Variants in NIPSNAP2 observed in about 807,000 individuals in gnomAD.
NIPSNAP2 encodes nipsnap homolog 2.
NIPSNAP2 carries 42 observed loss-of-function variants against 48.4 expected under a neutral mutation model. That is an observed-to-expected ratio of 0.87 (90% CI 0.68 to 1.12). The LOEUF is 1.12. Among genes scored for constraint, NIPSNAP2 ranks in the 50% most tolerant of loss-of-function variants. The pLI, the probability that NIPSNAP2 is intolerant of heterozygous loss-of-function variation, is 0.00. For missense variants in NIPSNAP2, 314 were observed against 347.3 expected (o/e 0.90, Z 0.76); for synonymous variants, 158 against 126.6 (o/e 1.25, Z -1.67).
At chr7:55,982,145 G>T (rs2116352044) in intron 4 of NIPSNAP2, 65 bp from the exon 5 acceptor site, 1 of 1,037,904 alleles carries the variant, frequency 9.6e-7, no homozygotes, top group South Asian at 1.3e-5. Flanking sequence ...TACCTATCTA[G>T]AACATTTTCA....
Position 55,984,893 on chromosome 7 carries a change from G to A in NIPSNAP2, c.617+15G>A. The stretch of plus-strand genomic sequence containing the variant: ...GGCAATTACTGGTGAGTATATTACT[G>A]AATGGTGATTTTTTAAGTCTTGTGA... On this transcript the variant is annotated intron_variant, in intron 7 of 9. Transcript: ENST00000322090. 5 of 1,598,564 alleles carry A rather than the reference G, an allele frequency of 3.1e-6. No homozygotes were observed. Among genetic ancestry groups the A allele is most frequent in the Non-Finnish European group, 4.3e-6 (5 of 1,170,634 alleles).
chr7:55,984,689 G>T (rs1312213066), intron 6 of NIPSNAP2, among the ~76,000 whole-genome samples, 158 bp from the exon 7 acceptor site: 4 of 147,176 alleles, frequency 2.7e-5, no homozygotes, highest in Non-Finnish European at 5.9e-5. Flanking sequence ...CTGCACTCCA[G>T]CCTGGGTGAC....
intron 6 of NIPSNAP2, 104 bp from the exon 7 acceptor site, chr7:55,984,743 T>G: frequency 1.1e-6 from 1 of 948,142 alleles, no homozygotes; most frequent in Non-Finnish European, 1.6e-6. Context: ...AAAGGTTTTT[T>G]GAAGTTAGTT....
chr7:55,991,343 G>T (rs1360666390), intron 7 of NIPSNAP2, among the ~76,000 whole-genome samples: 3 of 152,106 alleles, frequency 2.0e-5, no homozygotes, highest in African/African-American at 7.2e-5. Context: ...TGTTAATCAT[G>T]TAGCTACTCA....
chr7:55,976,900 A>C (rs185721285), intron 1 of NIPSNAP2, among the ~76,000 whole-genome samples: 1 of 151,792 alleles, frequency 6.6e-6, no homozygotes, highest in Admixed American at 6.6e-5. Context: ...GTCTCAAAAA[A>C]AGAAAGAAAA....
chr7:55,989,549 C>T (rs573568316), intron 7 of NIPSNAP2, among the ~76,000 whole-genome samples: 50 of 152,104 alleles, frequency 3.3e-4, no homozygotes, highest in African/African-American at 1.2e-3. Context: ...CACTTGAGCC[C>T]TTGCTGTTGA....
chr7:55,974,267 AGAAAG>A (rs758115738), intron 1 of NIPSNAP2, among the ~76,000 whole-genome samples: 26,418 of 141,572 alleles, frequency 0.19, 2,430 homozygotes, highest in Non-Finnish European at 0.2. Context: ...GCAAAAAAAA[AGAAAG>A]AAAGAAAGAA....
chr7:55,973,640 A>G (rs1315475964), intron 1 of NIPSNAP2, among the ~76,000 whole-genome samples: 1 of 137,196 alleles, frequency 7.3e-6, no homozygotes, highest in African/African-American at 2.7e-5. Context: ...ACACCCAGCT[A>G]TTTTTTTTTT....
chr7:55,976,577 A>G (rs187611402), intron 1 of NIPSNAP2, among the ~76,000 whole-genome samples: 14 of 152,298 alleles, frequency 9.2e-5, no homozygotes, highest in African/African-American at 3.1e-4. Flanking sequence ...TGGGAGTTCA[A>G]CATGCACATA....
chr7:55,994,957 T>G lies in NIPSNAP2; in HGVS notation c.681T>G (p.Ile227Met). The change falls in exon 8 of 10, where the codon ATT (isoleucine) becomes ATG (methionine). Residue 227 changes from isoleucine (I) to methionine (M), a missense_variant. Physicochemically the swap from Ile to Met is conservative, Grantham distance 10 (BLOSUM62 1). Around this residue, in one of 2 missense-constraint regions of NIPSNAP2, gnomAD observed 116 missense variants for 161.8 expected, o/e 0.72. Transcript: ENST00000322090. ...CCGTCGGAGGATTCTTCTCTCAGATTGGGCAGCTGTACATGGTGCACCATC... is the reference window on the plus strand; with the variant it reads ...CCGTCGGAGGATTCTTCTCTCAGATGGGGCAGCTGTACATGGTGCACCATC... ...NEAVGGFFSQ[I>M]GQLYMVHHLW... 1 of 1,614,140 alleles carries G rather than the reference T, an allele frequency of 6.2e-7. No homozygotes were observed. Among genetic ancestry groups the G allele is most frequent in the East Asian group, 2.2e-5 (1 of 44,872 alleles).
intron 1 of NIPSNAP2, among the ~76,000 whole-genome samples, chr7:55,976,783 G>A (rs1023834385): frequency 3.9e-5 from 6 of 152,104 alleles, no homozygotes; most frequent in Non-Finnish European, 8.8e-5. Context: ...AGCTTCTCAG[G>A]AGGCTGAGGT....
chr7:55,997,919 A>G (rs955007338), intron 9 of NIPSNAP2, among the ~76,000 whole-genome samples: 8 of 152,198 alleles, frequency 5.3e-5, no homozygotes, highest in Non-Finnish European at 5.9e-5. Context: ...GCACATACAT[A>G]AGTATATTAT....
At chr7:55,973,964 C>G (rs1411757606) in intron 1 of NIPSNAP2, among the ~76,000 whole-genome samples, 1 of 152,108 alleles carries the variant, frequency 6.6e-6, no homozygotes, top group Non-Finnish European at 1.5e-5. Flanking sequence ...GCAGCTCACC[C>G]TTGCAATCTC....
intron 1 of NIPSNAP2, among the ~76,000 whole-genome samples, chr7:55,972,299 A>T (rs1435298310): frequency 7.3e-6 from 1 of 136,250 alleles, no homozygotes; most frequent in Non-Finnish European, 1.7e-5. Flanking sequence ...ACAGAGCAAG[A>T]CTCTGTCTCA....
At chr7:55,978,713 G>T (rs1168950591) in intron 3 of NIPSNAP2, 2 of 276,086 alleles carry the variant, frequency 7.2e-6, no homozygotes, top group Non-Finnish European at 1.4e-5. Flanking sequence ...CTTCCTGACT[G>T]CCTGTCCTGA....
At chr7:55,968,610 C>T (rs1266614839) in intron 1 of NIPSNAP2, among the ~76,000 whole-genome samples, 1 of 152,168 alleles carries the variant, frequency 6.6e-6, no homozygotes, top group Non-Finnish European at 1.5e-5. Flanking sequence ...TGGTCTCGAT[C>T]TCCTGACCTC....
chr7:55,981,178 C>A, intron 3 of NIPSNAP2: 1 of 174,910 alleles, frequency 5.7e-6, no homozygotes, highest in Non-Finnish European at 1.2e-5. Flanking sequence ...AAATAGTAGA[C>A]CCATAGCTCC....
chr7:55,964,765 G>T, intron 1 of NIPSNAP2, 64 bp downstream of exon 1: 1 of 863,974 alleles, frequency 1.2e-6, no homozygotes, highest in African/African-American at 1.8e-5. Flanking sequence ...GAGGGCGCGG[G>T]TTTCCCGGCG....
intron 7 of NIPSNAP2, among the ~76,000 whole-genome samples, chr7:55,993,871 G>A (rs1001757887): frequency 1.3e-5 from 2 of 151,542 alleles, no homozygotes; most frequent in African/African-American, 2.4e-5. Flanking sequence ...TCCATATTTG[G>A]TACATAATGA....
Sources: allele counts gnomAD v4.1 joint callset (sites outside exome capture counted in the v4.1 genomes callset), GRCh38; gene constraint gnomAD v4.1.1; regional missense constraint gnomAD v4.1.1; transcripts MANE v1.5; gene names NCBI Gene and HGNC (gene_info 2026-07-23, HGNC 2026-07-21).